INPP5D: variants seen among roughly 807,000 people sequenced by gnomAD.
INPP5D encodes inositol polyphosphate-5-phosphatase D, also known as phosphatidylinositol 3,4,5-trisphosphate 5-phosphatase 1.
INPP5D carries 33 observed loss-of-function variants against 122.9 expected under a neutral mutation model. The ratio of observed to expected loss-of-function variants is 0.27; its 90% CI spans 0.20 to 0.36. INPP5D has a LOEUF of 0.36. Ranked by LOEUF, INPP5D falls within the 10% of genes least tolerant of loss-of-function variation. The pLI is 1.00. For missense variants in INPP5D, 1,053 were observed against 1,412.7 expected, an observed-to-expected ratio of 0.75 and a Z score of 4.08; for synonymous variants, 584 against 576.2, an observed-to-expected ratio of 1.01 and a Z score of -0.19.
chr2:233,129,165 C>CA (rs1194892923), intron 4 of INPP5D, among the ~76,000 whole-genome samples: 1 of 151,022 alleles, frequency 6.6e-6, no homozygotes, highest in African/African-American at 2.4e-5. Flanking sequence ...GACCCTGTCT[C>CA]AAAAAAATAA....
rs927897539 is a variant in INPP5D at position 233,100,660 on chromosome 2, C to T, written c.198+21262C>T. 2.6e-5 allele frequency among the ~76,000 whole-genome samples: 4 copies of T among 152,166 alleles called. No homozygotes were observed. Among genetic ancestry groups the T allele is most frequent in the Admixed American group, 2.0e-4 (3 of 15,274 alleles). ...GGCTTGGTTCTACGGAAGCTGGGGT[C>T]GTCACAGCCTGTTTTCTGCCTTGGG... On this transcript the variant is annotated intron_variant, in intron 2 of 26. Transcript: ENST00000445964. This position sits in a 1 kb window ranked among gnomAD's most constrained non-coding sequence, Gnocchi z 5.3.
chr2:233,146,825 G>C (rs763553876), intron 8 of INPP5D, among the ~76,000 whole-genome samples: 7 of 152,260 alleles, frequency 4.6e-5, no homozygotes, highest in African/African-American at 9.6e-5. Context: ...AGAATGACTG[G>C]ATTAGAATCT....
chr2:233,168,789 G>A (rs1304507585), intron 13 of INPP5D: 1 of 153,360 alleles, frequency 6.5e-6, no homozygotes, highest in Admixed American at 6.5e-5. Context: ...GTAGGTCTGG[G>A]GTGGGGCTGA....
At chr2:233,077,105 C>T (rs1409298030) in intron 1 of INPP5D, among the ~76,000 whole-genome samples, 2 of 152,142 alleles carry the variant, frequency 1.3e-5, no homozygotes, top group African/African-American at 4.8e-5. Context: ...TCTCACTTGG[C>T]TTGAGAAGAC....
At chr2:233,179,322 T>A (rs543977463) in intron 18 of INPP5D, among the ~76,000 whole-genome samples, 2 of 152,268 alleles carry the variant, frequency 1.3e-5, no homozygotes, top group African/African-American at 4.8e-5. Context: ...CTGTCAATAC[T>A]GTCCTTCCCA....
In INPP5D at chr2:233,206,142, G is replaced by A. The variant is rs1258838474; in HGVS notation, c.3568-564G>A. ...CAGCCCTCCCACCTCCTGGCTCTGTGCCTTGAGCCTCAGTTTACCCATCTG... is the reference window on the plus strand; with the variant it reads ...CAGCCCTCCCACCTCCTGGCTCTGTACCTTGAGCCTCAGTTTACCCATCTG... On this transcript the variant is annotated intron_variant, in intron 26 of 26. Coordinates refer to ENST00000445964, the MANE Select transcript of INPP5D (RefSeq NM_001017915.3). The surrounding 1 kb of genome is among the most constrained non-coding windows in gnomAD (Gnocchi z 4.0). Among the ~76,000 whole-genome samples, 1 of 152,056 alleles carries A rather than the reference G, an allele frequency of 6.6e-6. No homozygotes were observed. The highest frequency in any genetic ancestry group is 1.5e-5 in the Non-Finnish European group (1 of 68,008).
chr2:233,160,852 CTCAAACTCCTGGGA>C lies in INPP5D; in HGVS notation c.1138-865_1138-852del, dbSNP rs1694180854. 6.6e-6 allele frequency among the ~76,000 whole-genome samples: 1 copy of C among 152,114 alleles called. No homozygotes were observed. Among genetic ancestry groups the C allele is most frequent in the South Asian group, 2.1e-4 (1 of 4,822 alleles). On this transcript the variant is annotated intron_variant, in intron 10 of 26. Transcript: ENST00000445964. The surrounding 1 kb of genome is among the most constrained non-coding windows in gnomAD (Gnocchi z 4.2). ...GTTCCCCTATGTTGCCCAGGCTGGT[CTCAAACTCCTGGGA>C]TCAAACAATCCTTCTGCCTCAGCCT... is the stretch of plus-strand genomic sequence containing the variant.
intron 6 of INPP5D, among the ~76,000 whole-genome samples, chr2:233,142,587 T>G (rs1274616742): frequency 2.6e-5 from 4 of 152,002 alleles, no homozygotes; most frequent in Non-Finnish European, 4.4e-5. Context: ...TGCTGGGAAG[T>G]GTGAAATGCA....
At chr2:233,088,747 G>A (rs978326410) in intron 2 of INPP5D, among the ~76,000 whole-genome samples, 2 of 152,228 alleles carry the variant, frequency 1.3e-5, no homozygotes, top group African/African-American at 2.4e-5. Context: ...CAGAGGCCCC[G>A]GCCCATGACT....
At chr2:233,085,038 G>C (rs766509555) in intron 2 of INPP5D, among the ~76,000 whole-genome samples, 3 of 152,094 alleles carry the variant, frequency 2.0e-5, no homozygotes, top group Non-Finnish European at 4.4e-5. Flanking sequence ...TAAAATTCTT[G>C]GAACCAACTG....
chr2:233,065,313 T>TG (rs1168271771), intron 1 of INPP5D, among the ~76,000 whole-genome samples: 4 of 143,144 alleles, frequency 2.8e-5, no homozygotes, highest in Non-Finnish European at 6.0e-5. Flanking sequence ...TTGGGTTTTT[T>TG]TTTTTTTTTT....
Position 233,197,294 on chromosome 2 carries a change from G to GC in INPP5D, c.2694-796dup, listed in dbSNP as rs1165256765. On this transcript the variant is annotated intron_variant, in intron 24 of 26. Coordinates refer to ENST00000445964, the MANE Select transcript of INPP5D (RefSeq NM_001017915.3). This position sits in a 1 kb window ranked among gnomAD's most constrained non-coding sequence, Gnocchi z 4.4. Reference sequence around the variant, plus strand: ...TCCCCTCCATAGCTTTAAGCTGATTGCCCCCAATTCCAGGCTCCAACCTTG... The same window carrying GC: ...TCCCCTCCATAGCTTTAAGCTGATTGCCCCCCAATTCCAGGCTCCAACCTTG... 6.6e-6 allele frequency among the ~76,000 whole-genome samples: 1 copy of GC among 152,166 alleles called. No individual in the cohort carries two copies. The highest frequency in any genetic ancestry group is 2.4e-5 in the African/African-American group (1 of 41,428).
At chr2:233,083,556 G>A (rs1209698485) in intron 2 of INPP5D, among the ~76,000 whole-genome samples, 2 of 152,218 alleles carry the variant, frequency 1.3e-5, no homozygotes, top group Non-Finnish European at 2.9e-5. Context: ...CCCACACCAA[G>A]AGAGTGGGTT....
Position 233,060,363 on chromosome 2 carries a change from C to G in INPP5D, c.-116C>G. 2 of 1,224,206 alleles carry G rather than the reference C, an allele frequency of 1.6e-6. No individual in the cohort carries two copies. Among genetic ancestry groups the G allele is most frequent in the Admixed American group, 2.8e-5 (1 of 36,052 alleles). 75.8% of individuals were successfully genotyped at this position (1,224,206 alleles called of 1,614,324 possible). On this transcript the variant is annotated 5_prime_UTR_variant, in exon 1 of 27. Coordinates refer to ENST00000445964, the MANE Select transcript of INPP5D (RefSeq NM_001017915.3). ...AGTCAGTTAAGCTGGTGGCAGCAGCCGAGGCCACCAAGAGGCAACGGGCGG... is the reference window on the plus strand; with the variant it reads ...AGTCAGTTAAGCTGGTGGCAGCAGCGGAGGCCACCAAGAGGCAACGGGCGG...
intron 1 of INPP5D, among the ~76,000 whole-genome samples, chr2:233,066,118 T>C (rs1424486418): frequency 6.6e-6 from 1 of 152,234 alleles, no homozygotes; most frequent in African/African-American, 2.4e-5. Context: ...TCACCAAGCC[T>C]GGCTAATCTT....
At chr2:233,195,217 C>A (rs62192895) in intron 23 of INPP5D, among the ~76,000 whole-genome samples, 182 bp from the exon 24 acceptor site, 1 of 152,108 alleles carries the variant, frequency 6.6e-6, no homozygotes, top group African/African-American at 2.4e-5. Flanking sequence ...GGATCCACTG[C>A]AGGCATAACT....
At chr2:233,123,352 G>A (rs1261082948) in intron 3 of INPP5D, among the ~76,000 whole-genome samples, 1 of 151,972 alleles carries the variant, frequency 6.6e-6, no homozygotes, top group African/African-American at 2.4e-5. Flanking sequence ...TACTTGGGAG[G>A]CTGAGGCAGA....
At position 233,204,358 on chromosome 2, in the gene INPP5D, C is replaced by G; in HGVS notation, c.3208C>G (p.Arg1070Gly). 2 of 1,610,178 alleles carry G rather than the reference C, an allele frequency of 1.2e-6. No homozygotes were observed. Among genetic ancestry groups the G allele is most frequent in the Non-Finnish European group, 1.7e-6 (2 of 1,178,188 alleles). Reference protein sequence around the residue: ...IVLTKAQEADRGEGPGKQVPA... With the variant: ...IVLTKAQEADGGEGPGKQVPA... ...GCTCACCAAAGCCCAGGAGGCTGAT[C>G]GCGGCGAGGGGCCCGGCAAGCAGGT... The change falls in exon 26 of 27, where the codon CGC becomes GGC. Residue 1070 changes from arginine (R) to glycine (G), a missense_variant. Coordinates refer to ENST00000445964, the MANE Select transcript of INPP5D (RefSeq NM_001017915.3).
At chr2:233,084,057 G>GT (rs1691763297) in intron 2 of INPP5D, among the ~76,000 whole-genome samples, 1 of 152,088 alleles carries the variant, frequency 6.6e-6, no homozygotes, top group African/African-American at 2.4e-5. Context: ...TTTCTGTTTT[G>GT]TTTTGTTTTG....
Sources: allele counts gnomAD v4.1 joint callset (sites outside exome capture counted in the v4.1 genomes callset), GRCh38; gene constraint gnomAD v4.1.1; non-coding constraint Gnocchi (gnomAD v3.1); transcripts MANE v1.5; gene names NCBI Gene and HGNC (gene_info 2026-07-23, HGNC 2026-07-21).